The following CYP1B1 variants were observed in gnomAD, a reference collection of about 807,000 sequenced individuals.
CYP1B1 encodes cytochrome P450 family 1 subfamily B member 1.
A neutral mutation model predicts 29.9 loss-of-function variants in CYP1B1; 22 were observed. The observed-to-expected ratio is 0.74, with a 90% CI of 0.53 to 1.05. The LOEUF (loss-of-function observed/expected upper bound fraction) is 1.05, where lower values mean the gene tolerates loss of function less well. Among genes scored for constraint, CYP1B1 ranks in the 50% least tolerant of loss-of-function variants. The probability of loss-of-function intolerance (pLI) is 0.00; values close to 1 mark genes in which losing one functional copy is unlikely to be tolerated. For synonymous variants in CYP1B1, 375 were observed against 320.0 expected (o/e 1.17, Z -1.83); for missense variants, 883 against 746.9 (o/e 1.18, Z -2.12).
rs1573276706 is a variant in CYP1B1, at chr2:38,075,548, A to G, written c.-1-159T>C. 5.6e-6 allele frequency: 4 copies of G among 710,190 alleles called. No individual in the cohort carries two copies. The East Asian group carries it at 1.1e-4, about 19-fold the overall frequency. 44.0% of individuals were successfully genotyped at this position (710,190 alleles called of 1,614,324 possible). On this transcript the variant is annotated intron_variant, in intron 1 of 2. Transcript: ENST00000610745. ...GCCGAAGACGCCCCTTCCCATCCCC[A>G]ACCCACTCTCCCTTGGAGAAGAGAA... is the stretch of plus-strand genomic sequence containing the variant.
chr2:38,073,328 C>T (rs1300475418), intron 2 of CYP1B1: 4 of 152,236 alleles, frequency 2.6e-5, no homozygotes, highest in South Asian at 4.1e-4. Flanking sequence ...CAACTGCTCA[C>T]TTGTGCTCCA....
chr2:38,075,793 C>A lies in CYP1B1; in HGVS notation c.-15G>T. 3.9e-6 allele frequency: 1 copy of A among 258,644 alleles called. No homozygotes were observed. The highest frequency in any genetic ancestry group is 7.5e-6 in the Non-Finnish European group (1 of 132,900). The allele number at this position is 258,644 out of a possible 1,614,324, so 16.0% of individuals were successfully genotyped here. On this transcript the variant is annotated 5_prime_UTR_variant, in exon 1 of 3. Transcript: ENST00000610745. The stretch of plus-strand genomic sequence containing the variant: ...AGACAGACTGACCTGCGGGGAGGTG[C>A]GGTTTCCAGTGGCGCGGGACAGCCG...
At position 38,070,800 on chromosome 2, in the gene CYP1B1, G is replaced by C. The variant is rs757989713; in HGVS notation, c.1554C>G (p.Val518=). Residue 518 remains valine, a synonymous_variant, in exon 3 of 3, where the codon GTC becomes GTG. Coordinates refer to ENST00000610745, the MANE Select transcript of CYP1B1 (RefSeq NM_000104.4). ...CCATGGACTCTCTGAGAGTGACATT[G>C]ACTTTAAATGACTTGGGTTTAATGG... The part of the protein sequence containing the change: ...GLTIKPKSFK[V]NVTLRESMEL... 8 of 1,614,076 alleles carry C rather than the reference G, an allele frequency of 5.0e-6. No individual in the cohort carries two copies. The South Asian group carries it at 7.7e-5, about 16-fold the overall frequency.
chr2:38,071,268 C>T lies in CYP1B1; in HGVS notation c.1086G>A (p.Gln362=). The T allele has an allele frequency of 6.2e-7, 1 of 1,613,104 alleles. No homozygotes were observed. Among genetic ancestry groups the T allele is most frequent in the Non-Finnish European group, 8.5e-7 (1 of 1,180,046 alleles). The part of the protein sequence containing the change: ...VQTRVQAELD[Q]VVGRDRLPCM... ...AAGGCAGACGGTCCCTCCCCACGAC[C>T]TGATCCAATTCTGCCTGCACTCGAG... Residue 362 remains glutamine (Q), a synonymous_variant, in exon 3 of 3, where the codon CAG becomes CAA. Transcript: ENST00000610745.
rs1558603396 is a variant in CYP1B1 at position 38,074,606 on chromosome 2, G to T, written c.783C>A (p.Phe261Leu). 2 of 1,613,540 alleles carry T rather than the reference G, an allele frequency of 1.2e-6. No homozygotes were observed. Among genetic ancestry groups the T allele is most frequent in the Non-Finnish European group, 1.7e-6 (2 of 1,179,980 alleles). ...TGCTGAAGTTGCGGTTGAGCTGCTC[G>T]AATTCGCGGAAAACGGTGCGCACCG... ...PNPVRTVFREFEQLNRNFSNF... is the reference protein window; with the variant it reads ...PNPVRTVFRELEQLNRNFSNF... The change falls in exon 2 of 3, where the codon TTC (phenylalanine) becomes TTA (leucine). Residue 261 changes from phenylalanine (F) to leucine (L), a missense_variant. Phe to Leu is a conservative substitution (Grantham distance 22). Transcript: ENST00000610745.
Position 38,070,340 on chromosome 2 carries a change from C to G in CYP1B1, c.*382G>C. 3.2e-6 allele frequency: 1 copy of G among 308,154 alleles called. No individual in the cohort carries two copies. Among genetic ancestry groups the G allele is most frequent in the South Asian group, 6.2e-5 (1 of 16,084 alleles). 19.1% of individuals were successfully genotyped at this position (308,154 alleles called of 1,614,324 possible). ...GCATATGGGAGACCAATCTTGGATT[C>G]CCACCAAAAATGGCCTGGTTACCAA... On this transcript the variant is annotated 3_prime_UTR_variant, in exon 3 of 3. Coordinates refer to ENST00000610745, the MANE Select transcript of CYP1B1 (RefSeq NM_000104.4).
chr2:38,068,352 T>G lies in CYP1B1; in HGVS notation c.*2370A>C, dbSNP rs1448188829. On this transcript the variant is annotated 3_prime_UTR_variant, in exon 3 of 3. Transcript: ENST00000610745. ...TCCAAGCACCTTACTTTCTTCCATATAAACACAGCTTTCCTTTTGCCGCAA... is the reference window on the plus strand; with the variant it reads ...TCCAAGCACCTTACTTTCTTCCATAGAAACACAGCTTTCCTTTTGCCGCAA... The G allele has an allele frequency of 3.1e-5, 7 of 226,744 alleles. No individual in the cohort carries two copies. Among genetic ancestry groups the G allele is most frequent in the Non-Finnish European group, 6.1e-5 (7 of 113,952 alleles). 14.0% of individuals were successfully genotyped at this position (226,744 alleles called of 1,614,324 possible).
chr2:38,071,050 G>A lies in CYP1B1; in HGVS notation c.1304C>T (p.Pro435Leu), dbSNP rs113974874. 4 of 1,613,988 alleles carry A rather than the reference G, an allele frequency of 2.5e-6. No homozygotes were observed. Among genetic ancestry groups the A allele is most frequent in the African/African-American group, 2.7e-5 (2 of 75,030 alleles). Residue 435 changes from proline (P) to leucine (L), a missense_variant, in exon 3 of 3, where the codon CCT becomes CTT. Transcript: ENST00000610745. ...AGCTGGATCAAAGTTCTCCGGGTTA[G>A]GCCACTTCAGTGGGTCATGATTCAC... ...WSVNHDPLKWPNPENFDPARF... is the reference protein window; with the variant it reads ...WSVNHDPLKWLNPENFDPARF...
Position 38,075,361 on chromosome 2 carries a change from G to T in CYP1B1, c.28C>A (p.Pro10Thr). MGTSLSPND[P>T]WPLNPLSIQQ... ...ATGGACAGCGGGTTTAGCGGCCAAG[G>T]GTCGTTCGGGCTGAGGCTGGTGCCC... is the stretch of plus-strand genomic sequence containing the variant. Residue 10 changes from proline to threonine, a missense_variant, in exon 2 of 3, where the codon CCT becomes ACT. By Grantham distance (38) the Pro-to-Thr change is conservative (BLOSUM62 -1). Transcript: ENST00000610745. 1.2e-6 allele frequency: 2 copies of T among 1,613,074 alleles called. No individual in the cohort carries two copies. Among genetic ancestry groups the T allele is most frequent in the Non-Finnish European group, 1.7e-6 (2 of 1,179,982 alleles).
chr2:38,073,361 T>A (rs996913147), intron 2 of CYP1B1: 1 of 152,242 alleles, frequency 6.6e-6, no homozygotes, highest in Admixed American at 6.5e-5. Flanking sequence ...AAACCAGGAT[T>A]TCTGGTCTCT....
rs1400107998 is a variant in CYP1B1 at position 38,068,436 on chromosome 2, G to T, written c.*2286C>A. 4.4e-6 allele frequency: 1 copy of T among 226,820 alleles called. No homozygotes were observed. The allele number at this position is 226,820 out of a possible 1,614,324, so 14.1% of individuals were successfully genotyped here. On this transcript the variant is annotated 3_prime_UTR_variant, in exon 3 of 3. Coordinates refer to ENST00000610745, the MANE Select transcript of CYP1B1 (RefSeq NM_000104.4). ...AACAGATTATAGCACATCTGGACCT[G>T]GTTGACATAATGAGGCATCCAGATT...
rs1682395184 is a variant in CYP1B1 at position 38,069,956 on chromosome 2, C to T, written c.*766G>A. ...TGATAATTCAAATTCTGTACTTTGG[C>T]AAGCAAAAGAGGTACAACATCACCT... is the stretch of plus-strand genomic sequence containing the variant. On this transcript the variant is annotated 3_prime_UTR_variant, in exon 3 of 3. Transcript: ENST00000610745. 1.5e-5 allele frequency: 3 copies of T among 198,418 alleles called. No individual in the cohort carries two copies. The highest frequency in any genetic ancestry group is 2.1e-5 in the Non-Finnish European group (2 of 96,866). The allele number at this position is 198,418 out of a possible 1,614,324, so 12.3% of individuals were successfully genotyped here.
At position 38,074,769 on chromosome 2, in the gene CYP1B1, G is replaced by T. The variant is rs72480438; in HGVS notation, c.620C>A (p.Ala207Asp). Residue 207 changes from alanine (A) to aspartate (D), a missense_variant, in exon 2 of 3, where the codon GCC (alanine) becomes GAC (aspartate). Ala to Asp is a moderately radical substitution (Grantham distance 126). Transcript: ENST00000610745. ...GCTGTAGCGGCAGCCGAAACACACGGCACTCATGACGTTGGCCACGGCCAC... is the reference window on the plus strand; with the variant it reads ...GCTGTAGCGGCAGCCGAAACACACGTCACTCATGACGTTGGCCACGGCCAC... ...TVVAVANVMS[A>D]VCFGCRYSHD... 1 of 1,597,582 alleles carries T rather than the reference G, an allele frequency of 6.3e-7. No homozygotes were observed. The highest frequency in any genetic ancestry group is 1.1e-5 in the South Asian group (1 of 88,862).
rs1000878158 is a variant in CYP1B1 at position 38,067,642 on chromosome 2, G to A, written c.*3080C>T. 8 of 177,226 alleles carry A rather than the reference G, an allele frequency of 4.5e-5. No individual in the cohort carries two copies. Among genetic ancestry groups the A allele is most frequent in the African/African-American group, 1.9e-4 (8 of 42,254 alleles). 11.0% of individuals were successfully genotyped at this position (177,226 alleles called of 1,614,324 possible). A position where few individuals can be genotyped will look rare whatever the true frequency, so the allele number is the denominator to read the frequency against. ...TGATTTTTATTATTTTGGTAATGGT[G>A]TCCCAGTATAAGTAATGAGATACAA... On this transcript the variant is annotated 3_prime_UTR_variant, in exon 3 of 3. Transcript: ENST00000610745.
rs1324018008 is a variant in CYP1B1, at chr2:38,069,218, C to T, written c.*1504G>A. On this transcript the variant is annotated 3_prime_UTR_variant, in exon 3 of 3. Coordinates refer to ENST00000610745, the MANE Select transcript of CYP1B1 (RefSeq NM_000104.4). The stretch of plus-strand genomic sequence containing the variant: ...TTTTCCAAACAGCTTCCAAGACTAT[C>T]TTCTGATTCTGACTTTCCAAAAAGC... 8.9e-6 allele frequency: 2 copies of T among 224,764 alleles called. No individual in the cohort carries two copies. Among genetic ancestry groups the T allele is most frequent in the Non-Finnish European group, 1.8e-5 (2 of 112,750 alleles). The allele number at this position is 224,764 out of a possible 1,614,324, so 13.9% of individuals were successfully genotyped here.
In CYP1B1 at chr2:38,070,091, G is replaced by C. The variant is rs866302725; in HGVS notation, c.*631C>G. ...TTTCTTTTTGAGCAACTGACTTTAT[G>C]ATTTATCCTTAAAAGTAAGGAAGTA... On this transcript the variant is annotated 3_prime_UTR_variant, in exon 3 of 3. Transcript: ENST00000610745. 6 of 212,910 alleles carry C rather than the reference G, an allele frequency of 2.8e-5. No individual in the cohort carries two copies. The highest frequency in any genetic ancestry group is 1.1e-4 in the African/African-American group (5 of 44,178). 13.2% of individuals were successfully genotyped at this position (212,910 alleles called of 1,614,324 possible). A position where few individuals can be genotyped will look rare whatever the true frequency, so the allele number is the denominator to read the frequency against.
Position 38,068,114 on chromosome 2 carries a change from A to G in CYP1B1, c.*2608T>C, listed in dbSNP as rs1395229628. On this transcript the variant is annotated 3_prime_UTR_variant, in exon 3 of 3. Transcript: ENST00000610745. ...CATACAAATGAAGCATTTAATAAAC[A>G]TTATACTTTATTGCAATAACCTGGA... The G allele has an allele frequency of 4.9e-6, 1 of 205,232 alleles. No homozygotes were observed. The highest frequency in any genetic ancestry group is 1.0e-5 in the Non-Finnish European group (1 of 99,916). The allele number at this position is 205,232 out of a possible 1,614,324, so 12.7% of individuals were successfully genotyped here. A position where few individuals can be genotyped will look rare whatever the true frequency, so the allele number is the denominator to read the frequency against.
intron 2 of CYP1B1, chr2:38,074,060 G>T (rs765314466): frequency 2.4e-5 from 13 of 543,220 alleles, no homozygotes; most frequent in Non-Finnish European, 3.9e-5. Flanking sequence ...GTTTTTCCGG[G>T]GGGTGGAGGG....
In CYP1B1 at chr2:38,070,577, A is replaced by T. The variant is rs1185986460; in HGVS notation, c.*145T>A. 1.3e-6 allele frequency: 1 copy of T among 762,442 alleles called. No homozygotes were observed. The highest frequency in any genetic ancestry group is 2.2e-6 in the Non-Finnish European group (1 of 451,848). The allele number at this position is 762,442 out of a possible 1,614,324, so 47.2% of individuals were successfully genotyped here. ...TGAAGAACCGCTGGGTATGGAGCAC[A>T]CCTCACCTGATGGACAGTTGATTTA... is the stretch of plus-strand genomic sequence containing the variant. On this transcript the variant is annotated 3_prime_UTR_variant, in exon 3 of 3. Transcript: ENST00000610745.
Sources: gnomAD v4.1 joint callset for allele counts on GRCh38, gnomAD v4.1.1 for gene constraint, MANE v1.5 for transcripts, NCBI Gene and HGNC (gene_info 2026-07-23, HGNC 2026-07-21) for gene names.